The following PLXDC2 variants were observed in gnomAD, a reference collection of about 807,000 sequenced individuals.
PLXDC2 encodes plexin domain-containing protein 2.
A neutral mutation model predicts 68.9 loss-of-function variants in PLXDC2; 40 were observed. The observed-to-expected ratio is 0.58, with a 90% CI of 0.45 to 0.76. The LOEUF (loss-of-function observed/expected upper bound fraction) is 0.76. PLXDC2 is among the 30% of genes least tolerant of loss of function. The pLI, the probability that PLXDC2 is intolerant of heterozygous loss-of-function variation, is 0.00. For synonymous variants in PLXDC2, 243 were observed against 234.2 expected (o/e 1.04, Z -0.34); for missense variants, 644 against 661.9 (o/e 0.97, Z 0.30).
At chr10:20,221,765 T>G (rs2358868) in intron 12 of PLXDC2, among the ~76,000 whole-genome samples, 86,225 of 152,022 alleles carry the variant, frequency 0.57, 25,042 homozygotes, top group Middle Eastern at 0.72. Flanking sequence ...TCTGCAAGAT[T>G]GAGGTAATAA....
At chr10:20,125,627 A>C (rs1036394515) in intron 4 of PLXDC2, among the ~76,000 whole-genome samples, 1 of 152,336 alleles carries the variant, frequency 6.6e-6, no homozygotes, top group African/African-American at 2.4e-5. Context: ...AGAGGAATCA[A>C]TGCAGCTATA....
chr10:20,102,715 T>C (rs1432561953), intron 4 of PLXDC2, among the ~76,000 whole-genome samples: 2 of 152,206 alleles, frequency 1.3e-5, no homozygotes, highest in Non-Finnish European at 2.9e-5. Flanking sequence ...GTTTCAGGCA[T>C]GGTAAATTTA....
intron 2 of PLXDC2, among the ~76,000 whole-genome samples, chr10:20,017,088 G>T (rs570593333): frequency 6.6e-6 from 1 of 152,320 alleles, no homozygotes; most frequent in South Asian, 2.1e-4. Context: ...GAAAGAGAGA[G>T]GCAGAGAGAG....
At chr10:19,851,293 G>C in intron 1 of PLXDC2, among the ~76,000 whole-genome samples, 1 of 152,128 alleles carries the variant, frequency 6.6e-6, no homozygotes, top group East Asian at 1.9e-4. Context: ...CATTTGACCT[G>C]AATTGTAGCA....
intron 1 of PLXDC2, among the ~76,000 whole-genome samples, chr10:19,885,786 A>G (rs754052734): frequency 4.6e-5 from 7 of 152,190 alleles, no homozygotes; most frequent in African/African-American, 7.2e-5. Context: ...GTCAGGTAGC[A>G]TGATGCCTCC....
chr10:19,910,827 A>G (rs1392356684), intron 1 of PLXDC2, among the ~76,000 whole-genome samples: 1 of 151,854 alleles, frequency 6.6e-6, no homozygotes, highest in Non-Finnish European at 1.5e-5. Flanking sequence ...TAGTGAACAT[A>G]GTGAAACCCT....
chr10:19,857,599 T>C (rs1036468766), intron 1 of PLXDC2, among the ~76,000 whole-genome samples: 2 of 152,234 alleles, frequency 1.3e-5, no homozygotes, highest in Non-Finnish European at 2.9e-5. Context: ...CCTTTCTTTT[T>C]CCAATTTGTA....
intron 2 of PLXDC2, among the ~76,000 whole-genome samples, chr10:20,044,282 TTTCTTTCTTTCTTC>T (rs1482450616): frequency 8.4e-6 from 1 of 118,894 alleles, no homozygotes; most frequent in Non-Finnish European, 1.7e-5. Flanking sequence ...TCTTTCTTTC[TTTCTTTCTTTCTTC>T]TTTCTCTCTC....
intron 1 of PLXDC2, among the ~76,000 whole-genome samples, chr10:19,973,307 TACTCACA>T (rs1834388921): frequency 7.4e-6 from 1 of 135,484 alleles, no homozygotes; most frequent in African/African-American, 2.7e-5. Context: ...TATATATATA[TACTCACA>T]TATATATGTA....
intron 4 of PLXDC2, among the ~76,000 whole-genome samples, chr10:20,068,919 G>C (rs1836267904): frequency 6.6e-6 from 1 of 152,074 alleles, no homozygotes; most frequent in Non-Finnish European, 1.5e-5. Context: ...AGCGCTACTA[G>C]AAGCGATAAG....
chr10:20,167,342 CA>C (rs1834388961), intron 7 of PLXDC2, among the ~76,000 whole-genome samples: 1 of 151,974 alleles, frequency 6.6e-6, no homozygotes, highest in Admixed American at 6.6e-5. Context: ...ATCTTTATGC[CA>C]GAGATTAGGA....
At chr10:20,239,355 A>G (rs1383609696) in intron 12 of PLXDC2, among the ~76,000 whole-genome samples, 1 of 152,224 alleles carries the variant, frequency 6.6e-6, no homozygotes, top group African/African-American at 2.4e-5. Flanking sequence ...ACTGCTATCA[A>G]GAAGTCCCTG....
intron 2 of PLXDC2, among the ~76,000 whole-genome samples, chr10:20,031,551 A>T (rs1835501354): frequency 6.6e-6 from 1 of 152,162 alleles, no homozygotes. Flanking sequence ...CTAAGTAACA[A>T]ACAACTCCAA....
intron 1 of PLXDC2, among the ~76,000 whole-genome samples, chr10:19,866,909 A>G (rs1837426955): frequency 6.6e-6 from 1 of 152,108 alleles, no homozygotes; most frequent in Admixed American, 6.5e-5. Flanking sequence ...TTTGATTTGC[A>G]ATTGGTCAAG....
At chr10:20,132,273 A>G (rs953117017) in intron 4 of PLXDC2, among the ~76,000 whole-genome samples, 1 of 152,026 alleles carries the variant, frequency 6.6e-6, no homozygotes, top group African/African-American at 2.4e-5. Context: ...ACGTGGATCT[A>G]TCCTAACAAA....
intron 6 of PLXDC2, among the ~76,000 whole-genome samples, chr10:20,156,235 G>A (rs1035629159): frequency 1.2e-4 from 19 of 152,076 alleles, no homozygotes; most frequent in Non-Finnish European, 8.8e-5. Context: ...GGCACCCTGC[G>A]TCACTGTCTT....
intron 1 of PLXDC2, among the ~76,000 whole-genome samples, chr10:19,990,870 T>G (rs527894590): frequency 6.6e-6 from 1 of 152,216 alleles, no homozygotes; most frequent in Non-Finnish European, 1.5e-5. Flanking sequence ...GGATGAACAG[T>G]AGTTCATATC....
chr10:20,224,362 A>G (rs1206891197), intron 12 of PLXDC2, among the ~76,000 whole-genome samples: 1 of 152,206 alleles, frequency 6.6e-6, no homozygotes, highest in Non-Finnish European at 1.5e-5. Context: ...TGCATTTATA[A>G]CATTTCTTTT....
chr10:20,177,075 GGAGATGACCCCA>G lies in PLXDC2; in HGVS notation c.961_972del (p.Glu321_Pro324del). The G allele has an allele frequency of 6.2e-7, 1 of 1,609,466 alleles. No individual in the cohort carries two copies. Among genetic ancestry groups the G allele is most frequent in the Non-Finnish European group, 8.5e-7 (1 of 1,176,732 alleles). On this transcript the variant is annotated inframe_deletion, in exon 8 of 14. Transcript: ENST00000377252. ...CAAAAATTACCAACATTTCGGCTGT[GGAGATGACCCCA>G]TTACCCAGTAAGCGAATATGTAAAC...
Sources: gnomAD v4.1 joint callset for allele counts (sites outside exome capture counted in the v4.1 genomes callset) on GRCh38, gnomAD v4.1.1 for gene constraint, MANE v1.5 for transcripts, NCBI Gene and HGNC (gene_info 2026-07-23, HGNC 2026-07-21) for gene names.